The following CFAP54 variants were observed in gnomAD, a reference collection of about 807,000 sequenced individuals.
CFAP54 encodes cilia and flagella associated protein 54, also known as cilia- and flagella-associated protein 54.
CFAP54 carries 290 observed loss-of-function variants against 370.4 expected under a neutral mutation model. The observed-to-expected ratio is 0.78, with a 90% CI of 0.71 to 0.86. The LOEUF is 0.86. CFAP54 is among the 40% of genes least tolerant of loss of function. The pLI is 0.00. For missense variants in CFAP54, 3,399 were observed against 3,528.7 expected (o/e 0.96, Z 0.93); for synonymous variants, 1,206 against 1,236.5 (o/e 0.98, Z 0.52).
chr12:96,569,227 C>G (rs1955889295), intron 19 of CFAP54, among the ~76,000 whole-genome samples: 1 of 152,168 alleles, frequency 6.6e-6, no homozygotes, highest in Non-Finnish European at 1.5e-5. Context: ...GTACAGCATC[C>G]ATTTCCCCTT....
chr12:96,702,647 G>A (rs1957504096), intron 46 of CFAP54, among the ~76,000 whole-genome samples: 1 of 152,140 alleles, frequency 6.6e-6, no homozygotes, highest in African/African-American at 2.4e-5. Flanking sequence ...ATAAATGTAT[G>A]GGTGAATCTA....
At chr12:96,850,697 A>G (rs1959516599) in intron 66 of CFAP54, among the ~76,000 whole-genome samples, 1 of 148,416 alleles carries the variant, frequency 6.7e-6, no homozygotes, top group African/African-American at 2.4e-5. Context: ...TTGTAAAGAA[A>G]GGAGGTTTAA....
chr12:96,662,319 C>A (rs1957004311), intron 38 of CFAP54, among the ~76,000 whole-genome samples: 1 of 152,170 alleles, frequency 6.6e-6, no homozygotes, highest in African/African-American at 2.4e-5. Context: ...ATTTTCATGC[C>A]TCAGCTTCCT....
At chr12:96,833,171 A>G (rs753680690) in intron 66 of CFAP54, among the ~76,000 whole-genome samples, 36 of 152,216 alleles carry the variant, frequency 2.4e-4, no homozygotes, top group Non-Finnish European at 4.8e-4. Context: ...TAACCATTAC[A>G]TATGATTTCT....
rs1958633198 is a variant in CFAP54, at chr12:96,786,711, A to G, written c.8492A>G (p.Asp2831Gly). The G allele has an allele frequency of 6.5e-7, 1 of 1,535,418 alleles. No individual in the cohort carries two copies. ...CCAGTATCTGGAATTTCTTTGCCAG[A>G]TGATACACTTCTCACATCCCTTTAC... is the stretch of plus-strand genomic sequence containing the variant. ...ATPVSGISLP[D>G]DTLLTSLYNS... is the part of the protein sequence containing the mutation. The change falls in exon 62 of 68, where the codon GAT becomes GGT. Residue 2831 changes from aspartate (D) to glycine (G), a missense_variant. Asp to Gly is a moderately conservative substitution (Grantham distance 94). This residue lies in a region of CFAP54 where 2,796 missense variants were observed against 2,869.7 expected (regional missense o/e 0.97). Transcript: ENST00000524981.
chr12:96,781,158 T>G (rs1446310127), intron 60 of CFAP54, among the ~76,000 whole-genome samples: 8 of 152,118 alleles, frequency 5.3e-5, no homozygotes, highest in Non-Finnish European at 1.0e-4. Flanking sequence ...TGATCTCAAG[T>G]ATGTCTTCAA....
Position 96,554,276 on chromosome 12 carries a change from A to G in CFAP54, c.2249A>G (p.Asn750Ser). ...AATTGCATGTTAACCTCTTTGCCAA[A>G]TGGATCATCAGTAATTGACCACTGC... ...NLNCMLTSLP[N>S]GSSVIDHCYA... The change falls in exon 16 of 68, where the codon AAT becomes AGT. Residue 750 changes from asparagine to serine, a missense_variant. Physicochemically the swap from Asn to Ser is conservative, Grantham distance 46. Around this residue, in one of 3 missense-constraint regions of CFAP54, gnomAD observed 2,796 missense variants for 2,869.7 expected, o/e 0.97. Transcript: ENST00000524981. The G allele has an allele frequency of 6.5e-7, 1 of 1,529,010 alleles. No individual in the cohort carries two copies. Among genetic ancestry groups the G allele is most frequent in the Non-Finnish European group, 8.7e-7 (1 of 1,143,620 alleles). The allele number at this position is 1,529,010 out of a possible 1,614,324, so 94.7% of individuals were successfully genotyped here.
chr12:96,598,932 T>G (rs1956208996), intron 26 of CFAP54, among the ~76,000 whole-genome samples, 165 bp downstream of exon 26: 1 of 152,190 alleles, frequency 6.6e-6, no homozygotes, highest in East Asian at 1.9e-4. Flanking sequence ...AGCAATCTGT[T>G]GTTGAACTTT....
At chr12:96,523,537 C>T (rs1955342859) in intron 8 of CFAP54, among the ~76,000 whole-genome samples, 1 of 152,198 alleles carries the variant, frequency 6.6e-6, no homozygotes, top group African/African-American at 2.4e-5. Context: ...ACATTTTATA[C>T]ATCCCTTTTG....
chr12:96,664,762 T>G (rs1396587143), intron 39 of CFAP54, among the ~76,000 whole-genome samples: 2 of 28,194 alleles, frequency 7.1e-5, no homozygotes, highest in Admixed American at 3.9e-4. Context: ...TATCTATATA[T>G]ATCTATATCT....
intron 39 of CFAP54, among the ~76,000 whole-genome samples, chr12:96,667,702 AAC>A (rs1239032344): frequency 1.3e-5 from 2 of 152,194 alleles, no homozygotes; most frequent in Non-Finnish European, 2.9e-5. Context: ...GAAGGTCTCT[AAC>A]ATGATGTGGA....
intron 55 of CFAP54, among the ~76,000 whole-genome samples, chr12:96,748,619 C>T (rs1387525397): frequency 6.6e-6 from 1 of 152,220 alleles, no homozygotes; most frequent in Non-Finnish European, 1.5e-5. Context: ...AGCTCAGTAG[C>T]AGAATCTTTG....
intron 19 of CFAP54, among the ~76,000 whole-genome samples, chr12:96,566,866 C>T (rs1863354498): frequency 6.6e-6 from 1 of 152,032 alleles, no homozygotes; most frequent in Non-Finnish European, 1.5e-5. Context: ...TTTATTTATT[C>T]AACAAATATT....
chr12:96,551,212 C>T (rs762338914), intron 15 of CFAP54, among the ~76,000 whole-genome samples: 2 of 152,016 alleles, frequency 1.3e-5, no homozygotes, highest in Admixed American at 6.6e-5. Flanking sequence ...GAGGCAAGAT[C>T]GTGCCACTGT....
At chr12:96,702,002 TG>T (rs1003332670) in intron 46 of CFAP54, among the ~76,000 whole-genome samples, 24 of 152,116 alleles carry the variant, frequency 1.6e-4, no homozygotes, top group African/African-American at 5.6e-4. Flanking sequence ...GCAGATAATC[TG>T]GGTGGGGCAT....
intron 6 of CFAP54, among the ~76,000 whole-genome samples, chr12:96,519,773 C>T (rs2136367162): frequency 6.6e-6 from 1 of 152,260 alleles, no homozygotes; most frequent in East Asian, 1.9e-4. Context: ...ATACCTTTTT[C>T]TTGTAGTGAG....
intron 39 of CFAP54, among the ~76,000 whole-genome samples, chr12:96,664,699 A>ATATCTATATATATCTATATATATC (rs1957043399): frequency 1.2e-4 from 1 of 8,220 alleles, no homozygotes; most frequent in Non-Finnish European, 2.3e-4. Flanking sequence ...GTATATATCT[A>ATATCTATATATATCTATATATATC]TATATATATA....
In CFAP54 at chr12:96,630,692, G is replaced by A. The variant is rs1473009199; in HGVS notation, c.4316+41G>A. 4 of 1,274,960 alleles carry A rather than the reference G, an allele frequency of 3.1e-6. No homozygotes were observed. The South Asian group carries it at 6.5e-5, about 21-fold the overall frequency. The allele number at this position is 1,274,960 out of a possible 1,614,324, so 79.0% of individuals were successfully genotyped here. On this transcript the variant is annotated intron_variant, in intron 32 of 67. Transcript: ENST00000524981. ...TTAATTCAATAAAAGTTTACTTGAG[G>A]GTAACTATGTGTTGGGCATTATTTT...
chr12:96,495,233 CTTTTCTCCT>C (rs1248064489), intron 1 of CFAP54, among the ~76,000 whole-genome samples: 14 of 149,852 alleles, frequency 9.3e-5, no homozygotes, highest in African/African-American at 3.2e-4. Context: ...ATTTTCTTTT[CTTTTCTCCT>C]TCCTTCCTTC....
Sources: gnomAD v4.1 joint callset for allele counts (sites outside exome capture counted in the v4.1 genomes callset) on GRCh38, gnomAD v4.1.1 for gene constraint, gnomAD v4.1.1 regional missense constraint, MANE v1.5 for transcripts, NCBI Gene and HGNC (gene_info 2026-07-23, HGNC 2026-07-21) for gene names.